Variants in HEXD observed in about 807,000 individuals in gnomAD.
The protein encoded by HEXD is hexosaminidase D, also known as N-acetyl-beta-galactosaminidase.
HEXD carries 47 observed loss-of-function variants against 54.2 expected under a neutral mutation model. The observed-to-expected ratio is 0.87, with a 90% confidence interval of 0.69 to 1.11. The LOEUF (loss-of-function observed/expected upper bound fraction) is 1.11, where lower values mean the gene tolerates loss of function less well. Ranked by LOEUF, HEXD falls within the 50% of genes least tolerant of loss-of-function variation. The pLI, the probability that HEXD is intolerant of heterozygous loss-of-function variation, is 0.00. For missense variants in HEXD, 576 were observed against 649.2 expected (o/e 0.89, Z 1.23); for synonymous variants, 293 against 287.6 (o/e 1.02, Z -0.19).
intron 7 of HEXD, 51 bp downstream of exon 7, chr17:82,436,789 G>C (rs2053782527): frequency 6.6e-7 from 1 of 1,517,840 alleles, no homozygotes; most frequent in African/African-American, 1.4e-5. Flanking sequence ...TGCCTGGGAA[G>C]GCCATCCCTG....
In HEXD at chr17:82,433,759, C is replaced by T; in HGVS notation, c.384C>T (p.Ala128=). ...CAGAGTCCCTGGCGCTGGTGGGCGC[C>T]ATGATTGACCAGGTCCTGGAGCTAC... ...HEAESLALVG[A]MIDQVLELHP... Residue 128 remains alanine, a synonymous_variant, in exon 5 of 13, where the codon GCC becomes GCT. Coordinates refer to ENST00000327949, the MANE Select transcript of HEXD (RefSeq NM_001330542.2). 6.2e-7 allele frequency: 1 copy of T among 1,613,178 alleles called. No homozygotes were observed. The highest frequency in any genetic ancestry group is 8.5e-7 in the Non-Finnish European group (1 of 1,179,858).
intron 4 of HEXD, among the ~76,000 whole-genome samples, chr17:82,433,128 ATTTT>A (rs758489285): frequency 9.2e-4 from 12 of 13,072 alleles, no homozygotes; most frequent in Admixed American, 1.5e-3. Flanking sequence ...ATATATATAT[ATTTT>A]TTTTTTTTTT....
Position 82,441,197 on chromosome 17 carries a change from T to C in HEXD, c.1094T>C (p.Ile365Thr), listed in dbSNP as rs2053938798. 6.2e-7 allele frequency: 1 copy of C among 1,612,920 alleles called. No individual in the cohort carries two copies. Among genetic ancestry groups the C allele is most frequent in the South Asian group, 1.1e-5 (1 of 91,084 alleles). ...GCCGGCTCCTTCCCTGGCAGCAACA[T>C]CCTTGCCCTTGTCACACAAGTCAGC... ...EGAGSFPGSN[I>T]LALVTQVSLH... Residue 365 changes from isoleucine to threonine, a missense_variant, in exon 11 of 13, where the codon ATC (isoleucine) becomes ACC (threonine). Physicochemically the swap from Ile to Thr is moderately conservative, Grantham distance 89. Coordinates refer to ENST00000327949, the MANE Select transcript of HEXD (RefSeq NM_001330542.2).
intron 7 of HEXD, 23 bp from the exon 8 acceptor site, chr17:82,437,145 C>CA: frequency 6.4e-7 from 1 of 1,557,422 alleles, no homozygotes; most frequent in African/African-American, 1.3e-5. Flanking sequence ...TGGAGCCACT[C>CA]ACCTGTTTGC....
intron 8 of HEXD, among the ~76,000 whole-genome samples, chr17:82,438,802 G>A (rs968052532): frequency 6.6e-6 from 1 of 152,262 alleles, no homozygotes; most frequent in Non-Finnish European, 1.5e-5. Flanking sequence ...TGCATGTCCG[G>A]AGCTGGCAGC....
chr17:82,441,709 C>A (rs1210718027), intron 11 of HEXD, 91 bp from the exon 12 acceptor site: 2 of 967,488 alleles, frequency 2.1e-6, no homozygotes, highest in African/African-American at 1.6e-5. Context: ...GAAATGTCAA[C>A]CCCATTCTTA....
At chr17:82,420,082 G>GT in intron 2 of HEXD, 199 bp downstream of exon 2, 2 of 373,774 alleles carry the variant, frequency 5.4e-6, no homozygotes, top group Non-Finnish European at 9.5e-6. Context: ...ATGACAAAAG[G>GT]GAAAAAAAAA....
Position 82,439,645 on chromosome 17 carries a change from C to G in HEXD, c.914C>G (p.Ser305Cys). ...CATGGACCCAGGTACGACCACTACT[C>G]TGTGCTGTGCGAGCTGCTGCCCGCA... Reference protein sequence around the residue: ...LTGWQRYDHYSVLCELLPAGV... With the variant: ...LTGWQRYDHYCVLCELLPAGV... Residue 305 changes from serine to cysteine, a missense_variant, in exon 9 of 13, where the codon TCT (serine) becomes TGT (cysteine). Coordinates refer to ENST00000327949, the MANE Select transcript of HEXD (RefSeq NM_001330542.2). 1 of 1,583,630 alleles carries G rather than the reference C, an allele frequency of 6.3e-7. No individual in the cohort carries two copies. The highest frequency in any genetic ancestry group is 8.6e-7 in the Non-Finnish European group (1 of 1,167,938).
chr17:82,439,610 G>C lies in HEXD; in HGVS notation c.900-21G>C, dbSNP rs200276872. On this transcript the variant is annotated intron_variant, in intron 8 of 12. Transcript: ENST00000327949. ...TGCTGGGGGCGGGCTGCGGAGCTAA[G>C]CGCCCCTCTCATGGACCCAGGTACG... 4.2e-4 allele frequency: 635 copies of C among 1,523,872 alleles called. 3 individuals carry two copies. The African/African-American group carries it at 5.3e-3, about 13-fold the overall frequency. 94.4% of individuals were successfully genotyped at this position (1,523,872 alleles called of 1,614,324 possible). A position where few individuals can be genotyped will look rare whatever the true frequency, so the allele number is the denominator to read the frequency against.
At chr17:82,439,870 G>T (rs74549364) in intron 9 of HEXD, 157 bp downstream of exon 9, 49 of 1,538,166 alleles carry the variant, frequency 3.2e-5, no homozygotes, top group Non-Finnish European at 4.2e-5. Context: ...CCACCCACCT[G>T]CCCTGAAGTC....
At chr17:82,421,023 G>A (rs1173174762) in intron 2 of HEXD, among the ~76,000 whole-genome samples, 3 of 152,192 alleles carry the variant, frequency 2.0e-5, no homozygotes, top group Admixed American at 2.0e-4. Context: ...TAGTGGCCAA[G>A]CAGGAGGTAA....
intron 8 of HEXD, among the ~76,000 whole-genome samples, chr17:82,439,205 G>C (rs1178315428): frequency 6.6e-6 from 1 of 152,240 alleles, no homozygotes; most frequent in Non-Finnish European, 1.5e-5. Flanking sequence ...CCACCAGCCA[G>C]ACAGGAGGCA....
In HEXD at chr17:82,434,510, T is replaced by C. The variant is rs888240490; in HGVS notation, c.447+688T>C. 1.3e-5 allele frequency among the ~76,000 whole-genome samples: 2 copies of C among 152,216 alleles called. No homozygotes were observed. Among genetic ancestry groups the C allele is most frequent in the African/African-American group, 4.8e-5 (2 of 41,442 alleles). ...CCTTTTTTTGAAGGAAACCTGAGTA[T>C]GTAAAATACACTTAAGCTTTACCAT... On this transcript the variant is annotated intron_variant, in intron 5 of 12. Transcript: ENST00000327949. The surrounding 1 kb of genome is among the most constrained non-coding windows in gnomAD (Gnocchi z 4.5).
chr17:82,424,084 A>G (rs965227992), intron 2 of HEXD, among the ~76,000 whole-genome samples: 2 of 151,712 alleles, frequency 1.3e-5, no homozygotes, highest in African/African-American at 2.4e-5. Context: ...GCCGCCGTGC[A>G]TGAAGAGCTG....
At chr17:82,441,298 GA>G in intron 11 of HEXD, 32 bp downstream of exon 11, 1 of 1,585,118 alleles carries the variant, frequency 6.3e-7, no homozygotes, top group South Asian at 1.1e-5. Flanking sequence ...AGGTGTGGGT[GA>G]GGGGGGCAGG....
chr17:82,425,197 T>C (rs1443730276), intron 3 of HEXD, among the ~76,000 whole-genome samples: 1 of 133,010 alleles, frequency 7.5e-6, no homozygotes, highest in Non-Finnish European at 1.6e-5. Flanking sequence ...CGGAGAAGGC[T>C]GGAGGAGGCT....
rs148571501 is a variant in HEXD at position 82,423,460 on chromosome 17, C to T, written c.85-934C>T. 5.4e-3 allele frequency: 818 copies of T among 152,240 alleles called. 4 individuals are homozygous for T. The highest frequency in any genetic ancestry group is 9.9e-3 in the Non-Finnish European group (672 of 68,148). 9.4% of individuals were successfully genotyped at this position (152,240 alleles called of 1,614,324 possible). ...TGAGCCCAGGAGTTGGGTGCTGCAGCGAGCCATGATCATGCCAGCACGCTC... is the reference window on the plus strand; with the variant it reads ...TGAGCCCAGGAGTTGGGTGCTGCAGTGAGCCATGATCATGCCAGCACGCTC... On this transcript the variant is annotated intron_variant, in intron 2 of 12. Coordinates refer to ENST00000327949, the MANE Select transcript of HEXD (RefSeq NM_001330542.2).
intron 4 of HEXD, among the ~76,000 whole-genome samples, chr17:82,431,490 G>A (rs946917258): frequency 2.0e-5 from 3 of 150,562 alleles, no homozygotes; most frequent in East Asian, 3.9e-4. Flanking sequence ...GTGCAGCGGC[G>A]TGATCTCAGC....
chr17:82,424,268 G>A, intron 2 of HEXD, 126 bp from the exon 3 acceptor site: 1 of 687,990 alleles, frequency 1.5e-6, no homozygotes, highest in South Asian at 1.7e-5. Flanking sequence ...AGGTTCCCAG[G>A]AGAAATAGAA....
Sources: gnomAD v4.1 joint callset for allele counts (sites outside exome capture counted in the v4.1 genomes callset) on GRCh38, gnomAD v4.1.1 for gene constraint, Gnocchi (gnomAD v3.1) non-coding constraint, MANE v1.5 for transcripts, NCBI Gene and HGNC (gene_info 2026-07-23, HGNC 2026-07-21) for gene names.